HECTD4: variants seen among roughly 807,000 people sequenced by gnomAD.
HECTD4 encodes the protein HECT domain E3 ubiquitin protein ligase 4, also known as probable E3 ubiquitin-protein ligase HECTD4.
Under a neutral mutation model 471.5 loss-of-function variants are expected in HECTD4, and 114 were observed. That is an observed-to-expected ratio of 0.24 (90% confidence interval 0.21 to 0.28). The LOEUF (loss-of-function observed/expected upper bound fraction) is 0.28. HECTD4 is among the 10% of genes least tolerant of loss of function. The pLI is 1.00. For synonymous variants in HECTD4, 2,012 were observed against 2,256.0 expected (o/e 0.89, Z 3.07); for missense variants, 3,866 against 5,651.5 (o/e 0.68, Z 10.13).
At position 112,254,083 on chromosome 12, in the gene HECTD4, C is replaced by T. The variant is rs1317187989; in HGVS notation, c.3407G>A (p.Arg1136His). 6 of 1,613,850 alleles carry T rather than the reference C, an allele frequency of 3.7e-6. No individual in the cohort carries two copies. Among genetic ancestry groups the T allele is most frequent in the African/African-American group, 1.3e-5 (1 of 74,930 alleles). The change falls in exon 22 of 76, where the codon CGT becomes CAT. Residue 1136 changes from arginine to histidine, a missense_variant. Transcript: ENST00000682272. ...CGGCCAACCAGTTCCTAAGACACTA[C>T]GGCTGCCATATCCCAGTGTGTTGCC... ...YGGNTLGYGS[R>H]SVLGTGWPKD... is the part of the protein sequence containing the mutation.
intron 14 of HECTD4, among the ~76,000 whole-genome samples, 181 bp from the exon 15 acceptor site, chr12:112,266,164 C>A (rs904899141): frequency 4.6e-5 from 7 of 152,182 alleles, no homozygotes; most frequent in African/African-American, 1.7e-4. Context: ...TAACCAGCAT[C>A]CTGATTAAAG....
intron 7 of HECTD4, among the ~76,000 whole-genome samples, chr12:112,305,536 C>A (rs1163186671): frequency 1.3e-5 from 2 of 152,052 alleles, no homozygotes; most frequent in African/African-American, 4.8e-5. Context: ...AATCTTTATG[C>A]CTCTCCACCA....
At chr12:112,363,563 TA>T (rs1188439949) in intron 1 of HECTD4, among the ~76,000 whole-genome samples, 1 of 152,248 alleles carries the variant, frequency 6.6e-6, no homozygotes, top group Non-Finnish European at 1.5e-5. Flanking sequence ...AAGTCATTAA[TA>T]TTTTTAGAAC....
In HECTD4 at chr12:112,184,733, G is replaced by A; in HGVS notation, c.10233C>T (p.Gly3411=). 1.9e-6 allele frequency: 3 copies of A among 1,612,140 alleles called. No individual in the cohort carries two copies. The highest frequency in any genetic ancestry group is 2.5e-6 in the Non-Finnish European group (3 of 1,178,686). The part of the protein sequence containing the change: ...ISGIPTHLDE[G]VVRGAIRKAC... ...CCTTGCGGATGGCGCCTCTGACTAC[G>A]CCCTCGTCCAGGTGGGTGGGGATCC... The change falls in exon 61 of 76, where the codon GGC becomes GGT. Residue 3411 remains glycine, a synonymous_variant. Coordinates refer to ENST00000682272, the MANE Select transcript of HECTD4 (RefSeq NM_001388303.1). The surrounding 1 kb of genome is among the most constrained non-coding windows in gnomAD (Gnocchi z 9.1).
chr12:112,243,908 T>A lies in HECTD4; in HGVS notation c.4615A>T (p.Asn1539Tyr). The A allele has an allele frequency of 1.2e-6, 2 of 1,614,008 alleles. No homozygotes were observed. Among genetic ancestry groups the A allele is most frequent in the South Asian group, 2.2e-5 (2 of 91,078 alleles). The change falls in exon 30 of 76, where the codon AAT becomes TAT. Residue 1539 changes from asparagine to tyrosine, a missense_variant. Transcript: ENST00000682272. This position sits in a 1 kb window ranked among gnomAD's most constrained non-coding sequence, Gnocchi z 6.6. ...SAPSDLEMIG[N>Y]EDLEFTRANQ... ...GCTCTAGTAAATTCCAAATCTTCAT[T>A]ACCAATCATTTCCAGGTCAGAAGGA...
chr12:112,259,826 G>A (rs2034104346), intron 18 of HECTD4, among the ~76,000 whole-genome samples: 1 of 152,116 alleles, frequency 6.6e-6, no homozygotes, highest in South Asian at 2.1e-4. Flanking sequence ...ACTCTAAACA[G>A]GAGGAAGTGA....
At chr12:112,187,722 G>T (rs960447409) in intron 60 of HECTD4, among the ~76,000 whole-genome samples, 2 of 148,108 alleles carry the variant, frequency 1.4e-5, no homozygotes. Context: ...CGCCTCCTGG[G>T]TTCACACCAT....
chr12:112,205,462 G>A (rs2032549942), intron 52 of HECTD4, among the ~76,000 whole-genome samples: 1 of 152,054 alleles, frequency 6.6e-6, no homozygotes, highest in South Asian at 2.1e-4. Flanking sequence ...AGAAAAAACC[G>A]AAGTGTTCAT....
Position 112,248,464 on chromosome 12 carries a change from A to G in HECTD4, c.3999T>C (p.Val1333=), listed in dbSNP as rs1471759545. The G allele has an allele frequency of 6.2e-7, 1 of 1,610,826 alleles. No homozygotes were observed. The highest frequency in any genetic ancestry group is 8.5e-7 in the Non-Finnish European group (1 of 1,178,826). ...DVMEEMVVSC[V]IKHLNLVDAL... ...CATCAACCAAGTTCAAGTGCTTAAT[A>G]ACACAAGATACCACCATTTCCTCCA... is the stretch of plus-strand genomic sequence containing the variant. Residue 1333 remains valine, a synonymous_variant, in exon 26 of 76, where the codon GTT becomes GTC. Coordinates refer to ENST00000682272, the MANE Select transcript of HECTD4 (RefSeq NM_001388303.1).
intron 62 of HECTD4, among the ~76,000 whole-genome samples, chr12:112,181,579 T>C (rs758017119): frequency 4.6e-5 from 7 of 152,144 alleles, no homozygotes; most frequent in Non-Finnish European, 1.0e-4. Context: ...CTTCCCACCT[T>C]AGCCTCCTGA....
At chr12:112,203,509 G>T in intron 54 of HECTD4, 127 bp downstream of exon 54, 1 of 767,954 alleles carries the variant, frequency 1.3e-6, no homozygotes, top group Non-Finnish European at 2.0e-6. Context: ...TTTTTGCTTT[G>T]TGTCTTCGTC....
rs2033592502 is a variant in HECTD4, at chr12:112,239,665, T to C, written c.5105+216A>G. ...TCTTTGAACCTCTGTATCTTCACAA[T>C]GTAATATAACCCTAATGGCTGCATT... is the stretch of plus-strand genomic sequence containing the variant. On this transcript the variant is annotated intron_variant, in intron 33 of 75. Coordinates refer to ENST00000682272, the MANE Select transcript of HECTD4 (RefSeq NM_001388303.1). The surrounding 1 kb of genome is among the most constrained non-coding windows in gnomAD (Gnocchi z 4.9). 6.6e-6 allele frequency among the ~76,000 whole-genome samples: 1 copy of C among 152,210 alleles called. No homozygotes were observed. Among genetic ancestry groups the C allele is most frequent in the South Asian group, 2.1e-4 (1 of 4,822 alleles).
Position 112,190,880 on chromosome 12 carries a change from C to A in HECTD4, c.9378G>T (p.Leu3126=). The A allele has an allele frequency of 6.3e-7, 1 of 1,578,520 alleles. No homozygotes were observed. The highest frequency in any genetic ancestry group is 1.2e-5 in the South Asian group (1 of 85,634). Residue 3126 remains leucine, a synonymous_variant, in exon 60 of 76, where the codon CTG becomes CTT. Coordinates refer to ENST00000682272, the MANE Select transcript of HECTD4 (RefSeq NM_001388303.1). ...CACTGTCCTCTGATTTCCAGGACAG[C>A]AGCTGCTCTGCGAAGGCCATAGCCA... is the stretch of plus-strand genomic sequence containing the variant. ...FPLAMAFAEQ[L]LSWKSEDSEG... is the part of the protein sequence containing the mutation.
chr12:112,192,941 A>T, intron 58 of HECTD4, 120 bp downstream of exon 58: 2 of 1,308,862 alleles, frequency 1.5e-6, no homozygotes, highest in Non-Finnish European at 2.1e-6. Flanking sequence ...ATATGGAGAG[A>T]ATTGTAAGTC....
intron 1 of HECTD4, among the ~76,000 whole-genome samples, chr12:112,342,448 C>A (rs979234806): frequency 6.6e-6 from 1 of 152,028 alleles, no homozygotes; most frequent in African/African-American, 2.4e-5. Context: ...CAGAGTAAGA[C>A]CCTGTCTATT....
rs2036234048 is a variant in HECTD4, at chr12:112,350,626, C to T, written c.178-30884G>A. On this transcript the variant is annotated intron_variant, in intron 1 of 75. Transcript: ENST00000682272. Reference sequence around the variant, plus strand: ...AAGTTTTAGTGTTCTTGGATGAATTCATTTTTCTAATCTTCAAAGAATCAA... The same window carrying T: ...AAGTTTTAGTGTTCTTGGATGAATTTATTTTTCTAATCTTCAAAGAATCAA... 2.0e-5 allele frequency among the ~76,000 whole-genome samples: 3 copies of T among 152,288 alleles called. No individual in the cohort carries two copies. The South Asian group carries it at 6.2e-4, about 32-fold the overall frequency.
At chr12:112,309,354 G>A (rs2035329870) in intron 5 of HECTD4, among the ~76,000 whole-genome samples, 1 of 152,176 alleles carries the variant, frequency 6.6e-6, no homozygotes, top group African/African-American at 2.4e-5. Context: ...ACTCTTCTGG[G>A]CCAAAACAAG....
chr12:112,168,193 G>A (rs568491644), intron 70 of HECTD4, among the ~76,000 whole-genome samples: 13 of 152,248 alleles, frequency 8.5e-5, no homozygotes, highest in Middle Eastern at 3.4e-3. Context: ...TACCTACCCC[G>A]AAGGCCATTC....
chr12:112,268,311 A>G (rs1011101388), intron 13 of HECTD4, among the ~76,000 whole-genome samples: 12 of 152,214 alleles, frequency 7.9e-5, no homozygotes, highest in Non-Finnish European at 1.6e-4. Context: ...TGCTCCACAG[A>G]AAGAGATTCG....
Sources: gnomAD v4.1 joint callset for allele counts (sites outside exome capture counted in the v4.1 genomes callset) on GRCh38, gnomAD v4.1.1 for gene constraint, Gnocchi (gnomAD v3.1) non-coding constraint, MANE v1.5 for transcripts, NCBI Gene and HGNC (gene_info 2026-07-23, HGNC 2026-07-21) for gene names.